The following KIF5C variants were observed in gnomAD, a reference collection of about 807,000 sequenced individuals.
The protein encoded by KIF5C is kinesin family member 5C, also known as kinesin heavy chain isoform 5C.
A neutral mutation model predicts 125.2 loss-of-function variants in KIF5C; 18 were observed. That is an observed-to-expected ratio of 0.14 (90% CI 0.10 to 0.21). KIF5C has a LOEUF of 0.21. Ranked by LOEUF, KIF5C falls within the 10% of genes least tolerant of loss-of-function variation. The pLI is 1.00. For missense variants in KIF5C, 780 were observed against 1,183.8 expected (o/e 0.66, Z 5.01); for synonymous variants, 405 against 434.0 (o/e 0.93, Z 0.83).
At chr2:148,978,890 A>G in intron 12 of KIF5C, 32 bp from the exon 13 acceptor site, 1 of 1,569,044 alleles carries the variant, frequency 6.4e-7, no homozygotes, top group Non-Finnish European at 8.6e-7. Flanking sequence ...GACATAACTA[A>G]CCAAAAAAAC....
At chr2:148,961,886 G>T in intron 10 of KIF5C, 85 bp from the exon 11 acceptor site, 1 of 1,510,916 alleles carries the variant, frequency 6.6e-7, no homozygotes, top group Non-Finnish European at 8.8e-7. Context: ...CCAGTCTTTT[G>T]ACATGAGGAA....
intron 22 of KIF5C, among the ~76,000 whole-genome samples, chr2:149,006,259 G>T (rs1682003899): frequency 6.6e-6 from 1 of 152,156 alleles, no homozygotes; most frequent in Non-Finnish European, 1.5e-5. Context: ...AGGGAAAGAG[G>T]TCAAATGTCT....
rs531608969 is a variant in KIF5C, at chr2:148,902,505, C to T, written c.127-19632C>T. 5.7e-4 allele frequency among the ~76,000 whole-genome samples: 86 copies of T among 152,134 alleles called. No individual in the cohort carries two copies. The South Asian group carries it at 0.014, about 25-fold the overall frequency. ...ATAATTTTTGTATTTTTAGGAGAGT[C>T]GGGGTTTCACCATGTTGGCCAGTCT... On this transcript the variant is annotated intron_variant, in intron 1 of 25. Coordinates refer to ENST00000435030, the MANE Select transcript of KIF5C (RefSeq NM_004522.3).
Position 148,906,113 on chromosome 2 carries a change from AGAGT to A in KIF5C, c.127-16020_127-16017del, listed in dbSNP as rs1681096732. Among the ~76,000 whole-genome samples, 4 of 152,098 alleles carry A rather than the reference AGAGT, an allele frequency of 2.6e-5. No homozygotes were observed. In the South Asian group the frequency reaches 8.3e-4, roughly 32 times the overall value. ...GGTTTACCTAGGAGGGAGGGGAGAG[AGAGT>A]GAGACTCCCTTGGGGCCAGAGGGAA... On this transcript the variant is annotated intron_variant, in intron 1 of 25. Coordinates refer to ENST00000435030, the MANE Select transcript of KIF5C (RefSeq NM_004522.3).
chr2:148,894,637 T>G (rs1486804080), intron 1 of KIF5C, among the ~76,000 whole-genome samples: 1 of 151,992 alleles, frequency 6.6e-6, no homozygotes, highest in Non-Finnish European at 1.5e-5. Context: ...CTGTAGCAAT[T>G]ATTTTCATTT....
intron 21 of KIF5C, among the ~76,000 whole-genome samples, chr2:149,003,020 G>A (rs1391793309): frequency 6.6e-6 from 1 of 151,904 alleles, no homozygotes; most frequent in Non-Finnish European, 1.5e-5. Context: ...TCTCACCCTC[G>A]CCCAGCCCAT....
chr2:148,923,871 G>A (rs147106201), intron 2 of KIF5C, among the ~76,000 whole-genome samples: 9 of 152,252 alleles, frequency 5.9e-5, no homozygotes, highest in East Asian at 1.9e-4. Flanking sequence ...TCAATGTTCG[G>A]ATTTCTCTAC....
At chr2:148,900,692 G>C (rs1404135608) in intron 1 of KIF5C, among the ~76,000 whole-genome samples, 1 of 152,236 alleles carries the variant, frequency 6.6e-6, no homozygotes, top group African/African-American at 2.4e-5. Context: ...CTTTGGGAAA[G>C]GGTTTGGCAA....
chr2:148,983,583 C>A (rs1411618475), intron 14 of KIF5C, 37 bp from the exon 15 acceptor site: 2 of 1,517,924 alleles, frequency 1.3e-6, no homozygotes, highest in Non-Finnish European at 1.8e-6. Context: ...AATTGATGGG[C>A]AACCCTTTGA....
At position 148,946,935 on chromosome 2, in the gene KIF5C, T is replaced by G. The variant is rs952379331; in HGVS notation, c.626T>G (p.Phe209Cys). Residue 209 changes from phenylalanine to cysteine, a missense_variant, in exon 8 of 26, where the codon TTC becomes TGC. Physicochemically the swap from Phe to Cys is radical, Grantham distance 205. Around this residue, in one of 2 missense-constraint regions of KIF5C, gnomAD observed 207 missense variants for 441.2 expected, o/e 0.47. Coordinates refer to ENST00000435030, the MANE Select transcript of KIF5C (RefSeq NM_004522.3). The stretch of plus-strand genomic sequence containing the variant: ...CACAGCTCTAGAAGTCACAGTATCT[T>G]CCTGATAAATATTAAACAAGAGAAT... The part of the protein sequence containing the change: ...NEHSSRSHSI[F>C]LINIKQENVE... 1.2e-6 allele frequency: 2 copies of G among 1,613,330 alleles called. No individual in the cohort carries two copies. The highest frequency in any genetic ancestry group is 1.7e-6 in the Non-Finnish European group (2 of 1,179,732).
rs940305150 is a variant in KIF5C at position 148,955,739 on chromosome 2, C to G, written c.968+5277C>G. Among the ~76,000 whole-genome samples the G allele has an allele frequency of 3.3e-5, 5 of 152,108 alleles. No individual in the cohort carries two copies. The East Asian group carries it at 9.6e-4, about 29-fold the overall frequency. The stretch of plus-strand genomic sequence containing the variant: ...CTGATAGTGAAGAATGCTATACTCT[C>G]TATCCTCTCCTGCTCCCACAGTGGG... On this transcript the variant is annotated intron_variant, in intron 10 of 25. Transcript: ENST00000435030.
chr2:148,894,703 A>ATATATATATATATATATATATATATATAT (rs1558875720), intron 1 of KIF5C, among the ~76,000 whole-genome samples: 3 of 147,522 alleles, frequency 2.0e-5, no homozygotes, highest in African/African-American at 7.4e-5. Context: ...AGTTTAGTAC[A>ATATATATATATATATATATATATATATAT]ATATATATAT....
chr2:149,011,641 G>A lies in KIF5C; in HGVS notation c.2839G>A (p.Gly947Ser). 2.5e-6 allele frequency: 4 copies of A among 1,614,084 alleles called. No individual in the cohort carries two copies. Among genetic ancestry groups the A allele is most frequent in the Non-Finnish European group, 3.4e-6 (4 of 1,179,912 alleles). Residue 947 changes from glycine to serine, a missense_variant, in exon 25 of 26, where the codon GGC (glycine) becomes AGC (serine). Physicochemically the swap from Gly to Ser is moderately conservative, Grantham distance 56. Transcript: ENST00000435030. ...CGTCCATGCCATTCGAGGGGGAGGA[G>A]GCAGCTCTTCAAATTCCACTCACTA... Reference protein sequence around the residue: ...TAVHAIRGGGGSSSNSTHYQK With the variant: ...TAVHAIRGGGSSSSNSTHYQK
intron 3 of KIF5C, among the ~76,000 whole-genome samples, chr2:148,931,794 G>A (rs1682191913): frequency 6.6e-6 from 1 of 152,238 alleles, no homozygotes; most frequent in Admixed American, 6.5e-5. Context: ...TGCCTGACCA[G>A]TGAGGACTCA....
At chr2:149,011,472 G>T (rs1682193514) in intron 24 of KIF5C, 98 bp from the exon 25 acceptor site, 3 of 1,489,190 alleles carry the variant, frequency 2.0e-6, no homozygotes, top group African/African-American at 2.8e-5. Flanking sequence ...GGTAAGAATT[G>T]TGACTTTTAG....
intron 8 of KIF5C, 103 bp downstream of exon 8, chr2:148,947,126 G>A: frequency 6.2e-6 from 9 of 1,441,614 alleles, no homozygotes. Context: ...GCTTTAAAGA[G>A]CTTTTAAAGT....
intron 22 of KIF5C, among the ~76,000 whole-genome samples, chr2:149,005,885 G>A (rs903337651): frequency 2.0e-5 from 3 of 152,286 alleles, no homozygotes; most frequent in South Asian, 4.1e-4. Flanking sequence ...TATAAAGCAC[G>A]TCAACATCCA....
chr2:148,948,028 G>C (rs1682561447), intron 8 of KIF5C: 1 of 456,432 alleles, frequency 2.2e-6, no homozygotes, highest in Non-Finnish European at 4.4e-6. Flanking sequence ...AGTCATCCGG[G>C]TATTTCTAGT....
intron 1 of KIF5C, among the ~76,000 whole-genome samples, chr2:148,909,400 G>A (rs1352386880): frequency 6.6e-6 from 1 of 152,192 alleles, no homozygotes; most frequent in East Asian, 1.9e-4. Context: ...ACTCAGAGGA[G>A]TCATCTTTGT....
Sources: allele counts gnomAD v4.1 joint callset (sites outside exome capture counted in the v4.1 genomes callset), GRCh38; gene constraint gnomAD v4.1.1; regional missense constraint gnomAD v4.1.1; transcripts MANE v1.5; gene names NCBI Gene and HGNC (gene_info 2026-07-23, HGNC 2026-07-21).